Variants in CPXM2 observed in about 807,000 individuals in gnomAD.
CPXM2 encodes carboxypeptidase X, M14 family member 2.
In CPXM2, 66 loss-of-function variants were observed where a neutral mutation model predicts 86.1. That is an observed-to-expected ratio of 0.77 (90% CI 0.63 to 0.94). The LOEUF is 0.94. CPXM2 is among the 40% of genes least tolerant of loss of function. The pLI is 0.00. For missense variants in CPXM2, 948 were observed against 1,026.3 expected, an observed-to-expected ratio of 0.92 and a Z score of 1.04; for synonymous variants, 388 against 400.2, an observed-to-expected ratio of 0.97 and a Z score of 0.36.
intron 4 of CPXM2, among the ~76,000 whole-genome samples, chr10:123,816,953 G>A (rs1847825438): frequency 6.6e-6 from 1 of 152,102 alleles, no homozygotes; most frequent in African/African-American, 2.4e-5. Flanking sequence ...CCAGAGGATA[G>A]GGAATAAATT....
chr10:123,755,011 C>T (rs895884592), intron 12 of CPXM2, among the ~76,000 whole-genome samples: 1 of 152,260 alleles, frequency 6.6e-6, no homozygotes, highest in Non-Finnish European at 1.5e-5. Flanking sequence ...ATTAGGGAAG[C>T]ATCCTGCTTT....
intron 2 of CPXM2, among the ~76,000 whole-genome samples, chr10:123,905,215 T>C (rs1215529077): frequency 6.6e-6 from 1 of 152,188 alleles, no homozygotes; most frequent in Non-Finnish European, 1.5e-5. Context: ...GAGAAAAGAA[T>C]GAACCCCGCC....
chr10:123,775,259 C>A (rs1468914924), intron 7 of CPXM2, among the ~76,000 whole-genome samples: 6 of 152,202 alleles, frequency 3.9e-5, no homozygotes, highest in African/African-American at 1.4e-4. Context: ...TTTGAGACCC[C>A]ATATACTCGT....
At position 123,885,515 on chromosome 10, in the gene CPXM2, G is replaced by A. The variant is rs1420389607; in HGVS notation, c.305-5206C>T. 6.6e-6 allele frequency among the ~76,000 whole-genome samples: 1 copy of A among 152,184 alleles called. No individual in the cohort carries two copies. The highest frequency in any genetic ancestry group is 1.5e-5 in the Non-Finnish European group (1 of 68,032). ...AACCAGGCATTCCATACAAATCTGT[G>A]ACATCAGGGGCTTAAATTAACATGT... On this transcript the variant is annotated intron_variant, in intron 1 of 13. Transcript: ENST00000241305. This position sits in a 1 kb window ranked among gnomAD's most constrained non-coding sequence, Gnocchi z 4.0.
chr10:123,746,464 G>A lies in CPXM2; in HGVS notation c.*300C>T, dbSNP rs1163268787. On this transcript the variant is annotated 3_prime_UTR_variant, in exon 14 of 14. Coordinates refer to ENST00000241305, the MANE Select transcript of CPXM2 (RefSeq NM_198148.3). ...TTCTATGCAGCCAGAGGCTCTGAACGGACAGGCTCCCCTCCTTCTCCTTCT... is the reference window on the plus strand; with the variant it reads ...TTCTATGCAGCCAGAGGCTCTGAACAGACAGGCTCCCCTCCTTCTCCTTCT... The A allele has an allele frequency of 5.9e-5, 25 of 420,496 alleles. No individual in the cohort carries two copies. Among genetic ancestry groups the A allele is most frequent in the Non-Finnish European group, 9.3e-5 (22 of 235,342 alleles). 26.0% of individuals were successfully genotyped at this position (420,496 alleles called of 1,614,324 possible).
intron 4 of CPXM2, among the ~76,000 whole-genome samples, chr10:123,817,477 A>T (rs1267835014): frequency 6.6e-6 from 1 of 152,124 alleles, no homozygotes; most frequent in Non-Finnish European, 1.5e-5. Context: ...TAAACTGAAC[A>T]TTTGTCTATG....
Position 123,889,240 on chromosome 10 carries a change from A to G in CPXM2, c.304+2116T>C, listed in dbSNP as rs534331219. 7.9e-5 allele frequency among the ~76,000 whole-genome samples: 12 copies of G among 151,994 alleles called. No individual in the cohort carries two copies. The South Asian group carries it at 1.7e-3, about 21-fold the overall frequency. The stretch of plus-strand genomic sequence containing the variant: ...ATGTGTTTTGTAGGGAAAGAAACCT[A>G]TCTTAGGAATGATGTCCGGTCACTT... On this transcript the variant is annotated intron_variant, in intron 1 of 13. Coordinates refer to ENST00000241305, the MANE Select transcript of CPXM2 (RefSeq NM_198148.3).
chr10:123,842,300 A>C, intron 4 of CPXM2, 49 bp downstream of exon 4: 5 of 1,609,996 alleles, frequency 3.1e-6, no homozygotes, highest in Non-Finnish European at 4.2e-6. Context: ...GACCCTCAAA[A>C]GCTAGACCCA....
intron 2 of CPXM2, among the ~76,000 whole-genome samples, chr10:123,909,710 C>A (rs1354170013): frequency 1.3e-5 from 2 of 152,206 alleles, no homozygotes; most frequent in African/African-American, 4.8e-5. Flanking sequence ...GAACATCTTT[C>A]AACAAGTCAT....
In CPXM2 at chr10:123,746,724, T is replaced by A; in HGVS notation, c.*40A>T. On this transcript the variant is annotated 3_prime_UTR_variant, in exon 14 of 14. Transcript: ENST00000241305. Reference sequence around the variant, plus strand: ...TGGAGCTACTACCAGGTTGGTTTAATTTGCATGGGTCCCAGACGAGTCTCA... The same window carrying A: ...TGGAGCTACTACCAGGTTGGTTTAAATTGCATGGGTCCCAGACGAGTCTCA... 6.2e-7 allele frequency: 1 copy of A among 1,603,722 alleles called. No homozygotes were observed.
chr10:123,923,057 T>C (rs1945590086), intron 2 of CPXM2, among the ~76,000 whole-genome samples: 1 of 152,246 alleles, frequency 6.6e-6, no homozygotes, highest in African/African-American at 2.4e-5. Flanking sequence ...AGCTAACTCC[T>C]GGTTCAGGGG....
At chr10:123,920,317 A>G (rs928383655) in intron 2 of CPXM2, among the ~76,000 whole-genome samples, 5 of 152,222 alleles carry the variant, frequency 3.3e-5, no homozygotes, top group African/African-American at 1.2e-4. Flanking sequence ...TGAAATAAAG[A>G]TATATTCAGA....
At chr10:123,868,393 C>T (rs528783807) in intron 2 of CPXM2, among the ~76,000 whole-genome samples, 9 of 152,166 alleles carry the variant, frequency 5.9e-5, no homozygotes, top group Non-Finnish European at 1.2e-4. Flanking sequence ...AATGAACCGG[C>T]GTCCAGGAAA....
chr10:123,783,889 C>A (rs1589994412), intron 6 of CPXM2, among the ~76,000 whole-genome samples: 2 of 152,304 alleles, frequency 1.3e-5, no homozygotes, highest in African/African-American at 2.4e-5. Context: ...CTCTGCAACA[C>A]CTTAGTTATG....
At chr10:123,881,810 C>T (rs948554794) in intron 1 of CPXM2, among the ~76,000 whole-genome samples, 1 of 152,128 alleles carries the variant, frequency 6.6e-6, no homozygotes, top group African/African-American at 2.4e-5. Context: ...TGGCAGCATC[C>T]CAGTGGCAAT....
chr10:123,873,802 C>G (rs1944932343), intron 2 of CPXM2, among the ~76,000 whole-genome samples: 2 of 150,522 alleles, frequency 1.3e-5, no homozygotes, highest in Admixed American at 1.3e-4. Flanking sequence ...TTGTCTTAGT[C>G]TATTCAAATT....
chr10:123,811,929 G>C (rs1415918929), intron 4 of CPXM2, among the ~76,000 whole-genome samples: 2 of 152,134 alleles, frequency 1.3e-5, no homozygotes, highest in African/African-American at 4.8e-5. Context: ...AGTAAGAATA[G>C]CAATGCCAAA....
At chr10:123,795,796 T>C (rs577098031) in intron 6 of CPXM2, among the ~76,000 whole-genome samples, 2 of 152,350 alleles carry the variant, frequency 1.3e-5, no homozygotes, top group East Asian at 3.9e-4. Context: ...ACCCTGACTT[T>C]GTGAGGGTTT....
intron 4 of CPXM2, among the ~76,000 whole-genome samples, chr10:123,839,334 C>A (rs931532143): frequency 6.6e-6 from 1 of 152,154 alleles, no homozygotes; most frequent in Non-Finnish European, 1.5e-5. Flanking sequence ...CCTCCACATT[C>A]CCCCCTTACA....
Sources: gnomAD v4.1 joint callset for allele counts (sites outside exome capture counted in the v4.1 genomes callset) on GRCh38, gnomAD v4.1.1 for gene constraint, Gnocchi (gnomAD v3.1) non-coding constraint, MANE v1.5 for transcripts, NCBI Gene and HGNC (gene_info 2026-07-23, HGNC 2026-07-21) for gene names.